The following IWS1 variants were observed in gnomAD, a reference collection of about 807,000 sequenced individuals.
IWS1 encodes interacts with SUPT6H, CTD assembly factor 1.
Under a neutral mutation model 86.7 loss-of-function variants are expected in IWS1, and 27 were observed. That is an observed-to-expected ratio of 0.31 (90% CI 0.23 to 0.43). The LOEUF is 0.43. Ranked by LOEUF, IWS1 falls within the 20% of genes least tolerant of loss-of-function variation. The pLI is 1.00. For synonymous variants in IWS1, 313 were observed against 335.1 expected, an observed-to-expected ratio of 0.93 and a Z score of 0.72; for missense variants, 827 against 1,000.8, an observed-to-expected ratio of 0.83 and a Z score of 2.34.
In IWS1 at chr2:127,523,665, T is replaced by C; in HGVS notation, c.150+11A>G. 1 of 1,572,266 alleles carries C rather than the reference T, an allele frequency of 6.4e-7. No homozygotes were observed. Among genetic ancestry groups the C allele is most frequent in the Non-Finnish European group, 8.7e-7 (1 of 1,145,272 alleles). On this transcript the variant is annotated intron_variant, in intron 2 of 13. Coordinates refer to ENST00000295321, the MANE Select transcript of IWS1 (RefSeq NM_017969.3). ...GGAAAAGCCCTCCCAAAGATGTTGG[T>C]TAGCCAATACCTCTGAATGACGTTC...
chr2:127,488,606 C>T (rs1321602855), intron 12 of IWS1, among the ~76,000 whole-genome samples: 1 of 152,248 alleles, frequency 6.6e-6, no homozygotes, highest in Non-Finnish European at 1.5e-5. Flanking sequence ...CCAATCCATC[C>T]TACATGATGC....
intron 2 of IWS1, among the ~76,000 whole-genome samples, chr2:127,508,910 G>A (rs1055187241): frequency 1.3e-5 from 2 of 152,136 alleles, no homozygotes; most frequent in Admixed American, 6.5e-5. Flanking sequence ...AAACTCACCC[G>A]CTACACTCTA....
Position 127,504,769 on chromosome 2 carries a change from A to G in IWS1, c.1134T>C (p.Asp378=). The G allele has an allele frequency of 2.5e-6, 4 of 1,613,998 alleles. No homozygotes were observed. Among genetic ancestry groups the G allele is most frequent in the Non-Finnish European group, 3.4e-6 (4 of 1,180,018 alleles). ...EEHKKQKMDS[D]EDEKEGEEEK... is the part of the protein sequence containing the mutation. ...CCTCCTCACCCTCTTTTTCATCTTC[A>G]TCACTGTCCATTTTTTGCTTTTTGT... is the stretch of plus-strand genomic sequence containing the variant. The change falls in exon 3 of 14, where the codon GAT becomes GAC. Residue 378 remains aspartate (D), a synonymous_variant. Coordinates refer to ENST00000295321, the MANE Select transcript of IWS1 (RefSeq NM_017969.3).
At chr2:127,527,155 G>A (rs563718724), upstream of IWS1, among the ~76,000 whole-genome samples, 2 of 152,070 alleles carry the variant, frequency 1.3e-5, no homozygotes, top group African/African-American at 4.8e-5. Context: ...TTTCTGGAAC[G>A]GCACACTGTA....
At chr2:127,523,469 C>T (rs1692219908) in intron 2 of IWS1, among the ~76,000 whole-genome samples, 1 of 152,164 alleles carries the variant, frequency 6.6e-6, no homozygotes, top group Non-Finnish European at 1.5e-5. Context: ...TGAAATGTGA[C>T]CCAATCAGAA....
chr2:127,481,966 G>A (rs1689655342), intron 13 of IWS1, among the ~76,000 whole-genome samples: 1 of 152,130 alleles, frequency 6.6e-6, no homozygotes, highest in Admixed American at 6.6e-5. Context: ...TAAAGGTTTG[G>A]TTTGGGGGCT....
At chr2:127,482,048 G>C (rs1394721447) in intron 13 of IWS1, among the ~76,000 whole-genome samples, 4 of 152,210 alleles carry the variant, frequency 2.6e-5, no homozygotes, top group Non-Finnish European at 5.9e-5. Flanking sequence ...AGAAATGCTA[G>C]AAAGGTTTGC....
At chr2:127,498,311 A>G (rs1690619321) in intron 5 of IWS1, 74 bp from the exon 6 acceptor site, 1 of 1,425,338 alleles carries the variant, frequency 7.0e-7, no homozygotes, top group African/African-American at 1.4e-5. Flanking sequence ...TTGCATTTTT[A>G]AAGTAATTCA....
At chr2:127,501,567 A>G (rs1252164380) in intron 5 of IWS1, among the ~76,000 whole-genome samples, 1 of 152,038 alleles carries the variant, frequency 6.6e-6, no homozygotes, top group East Asian at 1.9e-4. Flanking sequence ...TTCGATGTAT[A>G]GTCTATATCT....
At chr2:127,527,336 C>T (rs1324405790), upstream of IWS1, among the ~76,000 whole-genome samples, 1 of 152,178 alleles carries the variant, frequency 6.6e-6, no homozygotes, top group Non-Finnish European at 1.5e-5. Context: ...GATTAGAACT[C>T]TCCTCCCCCC....
chr2:127,519,192 A>G, intron 2 of IWS1, among the ~76,000 whole-genome samples: 1 of 152,208 alleles, frequency 6.6e-6, no homozygotes, highest in Admixed American at 6.5e-5. Flanking sequence ...CAGGGCCATC[A>G]ATGACAGATG....
At chr2:127,487,011 G>C (rs1396726981) in intron 12 of IWS1, among the ~76,000 whole-genome samples, 1 of 152,132 alleles carries the variant, frequency 6.6e-6, no homozygotes, top group African/African-American at 2.4e-5. Flanking sequence ...TTGTATAGTG[G>C]AGTCACTCAT....
At chr2:127,516,522 G>A (rs973351068) in intron 2 of IWS1, among the ~76,000 whole-genome samples, 17 of 152,162 alleles carry the variant, frequency 1.1e-4, no homozygotes, top group African/African-American at 3.9e-4. Flanking sequence ...GTACTGCTGA[G>A]AGGCCAGGGT....
chr2:127,501,820 C>T (rs1162422469), intron 5 of IWS1: 1 of 149,784 alleles, frequency 6.7e-6, no homozygotes, highest in African/African-American at 2.5e-5. Flanking sequence ...CCCCGAGTAA[C>T]TGGGACTACC....
rs535440931 is a variant in IWS1, at chr2:127,505,781, A to C, written c.151-29T>G. On this transcript the variant is annotated intron_variant, in intron 2 of 13. Transcript: ENST00000295321. This position sits in a 1 kb window ranked among gnomAD's most constrained non-coding sequence, Gnocchi z 5.0. ...AAAAATAAAGTGAGAAAAAATTAGG[A>C]AAGTGCAAAAAAAAAAAAACCATTA... 4.3e-5 allele frequency: 58 copies of C among 1,349,206 alleles called. No homozygotes were observed. Among genetic ancestry groups the C allele is most frequent in the Non-Finnish European group, 5.8e-5 (58 of 996,998 alleles). The allele number at this position is 1,349,206 out of a possible 1,614,324, so 83.6% of individuals were successfully genotyped here. A position where few individuals can be genotyped will look rare whatever the true frequency, so the allele number is the denominator to read the frequency against.
Position 127,499,562 on chromosome 2 carries a change from T to A in IWS1, c.1468-1325A>T, listed in dbSNP as rs1435602082. ...TCCAAAACAGGTAAGTATACCTTAT[T>A]CTTACAATATGGTGCTTAACTAAGT... is the stretch of plus-strand genomic sequence containing the variant. On this transcript the variant is annotated intron_variant, in intron 5 of 13. Transcript: ENST00000295321. This position sits in a 1 kb window ranked among gnomAD's most constrained non-coding sequence, Gnocchi z 4.0. Among the ~76,000 whole-genome samples, 1 of 152,214 alleles carries A rather than the reference T, an allele frequency of 6.6e-6. No individual in the cohort carries two copies. Among genetic ancestry groups the A allele is most frequent in the African/African-American group, 2.4e-5 (1 of 41,444 alleles).
chr2:127,498,267 C>A (rs1690616431), intron 5 of IWS1, 30 bp from the exon 6 acceptor site: 1 of 1,596,924 alleles, frequency 6.3e-7, no homozygotes, highest in South Asian at 1.1e-5. Flanking sequence ...AACCTCCTTA[C>A]AGATTTTCTT....
intron 3 of IWS1, 52 bp downstream of exon 3, chr2:127,504,632 A>C: frequency 1.6e-6 from 2 of 1,264,030 alleles, no homozygotes; most frequent in Non-Finnish European, 2.2e-6. Flanking sequence ...CACAGTTACA[A>C]GCTTAGACAA....
Position 127,517,275 on chromosome 2 carries a change from G to C in IWS1, c.150+6401C>G, listed in dbSNP as rs144165761. On this transcript the variant is annotated intron_variant, in intron 2 of 13. Coordinates refer to ENST00000295321, the MANE Select transcript of IWS1 (RefSeq NM_017969.3). ...TTCTAAAATACACAGGTAACTCCACGAGACCCAGATTGGCTAAAAGAATCT... is the reference window on the plus strand; with the variant it reads ...TTCTAAAATACACAGGTAACTCCACCAGACCCAGATTGGCTAAAAGAATCT... Among the ~76,000 whole-genome samples, 1,043 of 152,214 alleles carry C rather than the reference G, an allele frequency of 6.9e-3. 14 individuals carry two copies. The highest frequency in any genetic ancestry group is 0.024 in the African/African-American group (1,004 of 41,534).
Sources: gnomAD v4.1 joint callset for allele counts (sites outside exome capture counted in the v4.1 genomes callset) on GRCh38, gnomAD v4.1.1 for gene constraint, Gnocchi (gnomAD v3.1) non-coding constraint, MANE v1.5 for transcripts, NCBI Gene and HGNC (gene_info 2026-07-23, HGNC 2026-07-21) for gene names.